RAB18: variants seen among roughly 807,000 people sequenced by gnomAD.
RAB18 encodes RAB18, member RAS oncogene family, also known as ras-related protein Rab-18.
A neutral mutation model predicts 28.5 loss-of-function variants in RAB18; 10 were observed. That is an observed-to-expected ratio of 0.35 (90% confidence interval 0.22 to 0.60). RAB18 has a LOEUF of 0.60. Among genes scored for constraint, RAB18 ranks in the 20% least tolerant of loss-of-function variants. The probability of loss-of-function intolerance (pLI) is 0.78; values close to 1 mark genes in which losing one functional copy is unlikely to be tolerated. For synonymous variants in RAB18, 93 were observed against 86.9 expected, an observed-to-expected ratio of 1.07 and a Z score of -0.39; for missense variants, 188 against 244.2, an observed-to-expected ratio of 0.77 and a Z score of 1.53.
At chr10:27,506,305 A>C (rs1368677133) in intron 1 of RAB18, among the ~76,000 whole-genome samples, 1 of 151,992 alleles carries the variant, frequency 6.6e-6, no homozygotes, top group Non-Finnish European at 1.5e-5. Flanking sequence ...TGGAGTATAT[A>C]AACAAAATTC....
intron 3 of RAB18, 53 bp downstream of exon 3, chr10:27,526,942 T>C: frequency 6.5e-7 from 1 of 1,549,528 alleles, no homozygotes; most frequent in Non-Finnish European, 8.9e-7. Context: ...TTTTTAAGGA[T>C]GCAGAAATTG....
chr10:27,536,498 A>T (rs770531077), intron 6 of RAB18, among the ~76,000 whole-genome samples: 1 of 152,214 alleles, frequency 6.6e-6, no homozygotes, highest in Non-Finnish European at 1.5e-5. Flanking sequence ...TGGAGCTCCC[A>T]CTGCACTCCA....
At chr10:27,528,136 C>T (rs1213508989) in intron 3 of RAB18, among the ~76,000 whole-genome samples, 1 of 152,088 alleles carries the variant, frequency 6.6e-6, no homozygotes, top group African/African-American at 2.4e-5. Flanking sequence ...GGCCTTGCTG[C>T]TGCTTTGTGA....
rs79403948 is a variant in RAB18, at chr10:27,539,161, A to G, written c.*1110A>G. 141 of 354,764 alleles carry G rather than the reference A, an allele frequency of 4.0e-4. No homozygotes were observed. The East Asian group carries it at 9.6e-3, about 24-fold the overall frequency. The allele number at this position is 354,764 out of a possible 1,614,324, so 22.0% of individuals were successfully genotyped here. A position where few individuals can be genotyped will look rare whatever the true frequency, so the allele number is the denominator to read the frequency against. ...CAGACTAATAAATCTTTTTCACAGT[A>G]TTCAGTTTTCTCACCTCTTGCTATT... is the stretch of plus-strand genomic sequence containing the variant. On this transcript the variant is annotated 3_prime_UTR_variant, in exon 7 of 7. Transcript: ENST00000356940.
intron 2 of RAB18, among the ~76,000 whole-genome samples, chr10:27,512,681 A>G (rs1326058434): frequency 6.6e-6 from 1 of 152,118 alleles, no homozygotes; most frequent in Non-Finnish European, 1.5e-5. Context: ...CTGAGTACGT[A>G]TTGGTATTGG....
At chr10:27,530,718 A>C (rs1834771070) in intron 3 of RAB18, among the ~76,000 whole-genome samples, 1 of 151,922 alleles carries the variant, frequency 6.6e-6, no homozygotes, top group Non-Finnish European at 1.5e-5. Context: ...GCTTCCTAAA[A>C]GTGGTGACAC....
At chr10:27,508,023 A>C (rs1431423710) in intron 1 of RAB18, among the ~76,000 whole-genome samples, 1 of 150,742 alleles carries the variant, frequency 6.6e-6, no homozygotes, top group Non-Finnish European at 1.5e-5. Flanking sequence ...TCTCTTAAAA[A>C]AAAAAAAAAA....
chr10:27,506,600 G>A (rs1837846000), intron 1 of RAB18, among the ~76,000 whole-genome samples: 1 of 152,084 alleles, frequency 6.6e-6, no homozygotes, highest in Admixed American at 6.5e-5. Context: ...AGGAACATAA[G>A]CATGAGCCAC....
At position 27,541,049 on chromosome 10, in the gene RAB18, G is replaced by T. The variant is rs1160320960; in HGVS notation, c.*2998G>T. Reference sequence around the variant, plus strand: ...ACTCAACAATTCTTCAGGTATTATAGATCAGAGATCCTCTCCATATTCAAG... The same window carrying T: ...ACTCAACAATTCTTCAGGTATTATATATCAGAGATCCTCTCCATATTCAAG... On this transcript the variant is annotated 3_prime_UTR_variant, in exon 7 of 7. Coordinates refer to ENST00000356940, the MANE Select transcript of RAB18 (RefSeq NM_021252.5). 2 of 453,026 alleles carry T rather than the reference G, an allele frequency of 4.4e-6. No individual in the cohort carries two copies. The highest frequency in any genetic ancestry group is 8.8e-6 in the Non-Finnish European group (2 of 226,324). 28.1% of individuals were successfully genotyped at this position (453,026 alleles called of 1,614,324 possible).
intron 6 of RAB18, among the ~76,000 whole-genome samples, chr10:27,536,857 T>C (rs1834910197): frequency 6.6e-6 from 1 of 151,880 alleles, no homozygotes; most frequent in African/African-American, 2.4e-5. Flanking sequence ...CTAATTAGAG[T>C]AGTTTGAAGA....
chr10:27,527,015 T>G (rs1176749273), intron 3 of RAB18, 126 bp downstream of exon 3: 1 of 1,025,230 alleles, frequency 9.8e-7, no homozygotes, highest in Admixed American at 1.7e-5. Flanking sequence ...TTGGGAGATT[T>G]GATACTGATT....
chr10:27,517,551 G>C (rs1043876553), intron 2 of RAB18, among the ~76,000 whole-genome samples: 1 of 152,098 alleles, frequency 6.6e-6, no homozygotes, highest in African/African-American at 2.4e-5. Context: ...ATCAATCTCA[G>C]ACTTGACAAC....
At chr10:27,510,016 TCA>T (rs1834295046) in intron 2 of RAB18, 86 bp downstream of exon 2, 2 of 996,540 alleles carry the variant, frequency 2.0e-6, no homozygotes, top group African/African-American at 3.2e-5. Flanking sequence ...TACCTTCCTC[TCA>T]CCACCCCACT....
chr10:27,540,213 G>A lies in RAB18; in HGVS notation c.*2162G>A, dbSNP rs1023359193. 1.1e-5 allele frequency: 5 copies of A among 453,846 alleles called. No individual in the cohort carries two copies. Among genetic ancestry groups the A allele is most frequent in the African/African-American group, 2.0e-5 (1 of 49,958 alleles). 28.1% of individuals were successfully genotyped at this position (453,846 alleles called of 1,614,324 possible). A position where few individuals can be genotyped will look rare whatever the true frequency, so the allele number is the denominator to read the frequency against. On this transcript the variant is annotated 3_prime_UTR_variant, in exon 7 of 7. Transcript: ENST00000356940. Reference sequence around the variant, plus strand: ...CTTGGTGCCAGATGCCTTTCTAAGTGCTGAATTATCTCATTAAACCTCACA... The same window carrying A: ...CTTGGTGCCAGATGCCTTTCTAAGTACTGAATTATCTCATTAAACCTCACA...
chr10:27,508,002 G>A (rs1426335836), intron 1 of RAB18, among the ~76,000 whole-genome samples: 1 of 149,954 alleles, frequency 6.7e-6, no homozygotes, highest in East Asian at 2.0e-4. Flanking sequence ...GGGTGACAGA[G>A]TGAGACCCTC....
intron 2 of RAB18, chr10:27,513,843 C>T (rs1439714353): frequency 1.3e-5 from 2 of 152,170 alleles, no homozygotes; most frequent in African/African-American, 2.4e-5. Context: ...GTTTCTTCAG[C>T]TCAAGGCAGG....
At position 27,538,385 on chromosome 10, in the gene RAB18, T is replaced by G. The variant is rs1232093368; in HGVS notation, c.*334T>G. 2.1e-6 allele frequency: 1 copy of G among 472,582 alleles called. No individual in the cohort carries two copies. The highest frequency in any genetic ancestry group is 2.0e-5 in the African/African-American group (1 of 50,896). The allele number at this position is 472,582 out of a possible 1,614,324, so 29.3% of individuals were successfully genotyped here. On this transcript the variant is annotated 3_prime_UTR_variant, in exon 7 of 7. Transcript: ENST00000356940. The stretch of plus-strand genomic sequence containing the variant: ...ACAAAGTCTGCTTTTGCTATTCTTT[T>G]TGCTTAAATACTCCTATCATTTTCT...
chr10:27,542,140 G>C lies in RAB18; in HGVS notation c.*4089G>C. ...TACCAGGGTGAGAGGGAGTCTATTG[G>C]AGCCCTTGGGAACTTCTGGATCAAA... On this transcript the variant is annotated 3_prime_UTR_variant, in exon 7 of 7. Coordinates refer to ENST00000356940, the MANE Select transcript of RAB18 (RefSeq NM_021252.5). 1 of 454,074 alleles carries C rather than the reference G, an allele frequency of 2.2e-6. No homozygotes were observed. The highest frequency in any genetic ancestry group is 4.4e-6 in the Non-Finnish European group (1 of 226,780). The allele number at this position is 454,074 out of a possible 1,614,324, so 28.1% of individuals were successfully genotyped here. A position where few individuals can be genotyped will look rare whatever the true frequency, so the allele number is the denominator to read the frequency against.
intron 2 of RAB18, among the ~76,000 whole-genome samples, chr10:27,523,612 T>G: frequency 8.1e-6 from 1 of 123,998 alleles, no homozygotes; most frequent in South Asian, 2.4e-4. Context: ...CATTTTTACC[T>G]TTTTTTTTTT....
Sources: allele counts gnomAD v4.1 joint callset (sites outside exome capture counted in the v4.1 genomes callset), GRCh38; gene constraint gnomAD v4.1.1; transcripts MANE v1.5; gene names NCBI Gene and HGNC (gene_info 2026-07-23, HGNC 2026-07-21).